Variants in ECT2L observed in about 807,000 individuals in gnomAD.
The protein encoded by ECT2L is epithelial cell transforming 2 like, also known as epithelial cell-transforming sequence 2 oncogene-like.
Under a neutral mutation model 122.8 loss-of-function variants are expected in ECT2L, and 126 were observed. That is an observed-to-expected ratio of 1.03 (90% CI 0.89 to 1.19). The LOEUF (loss-of-function observed/expected upper bound fraction) is 1.19. Among genes scored for constraint, ECT2L ranks in the 50% most tolerant of loss-of-function variants. ECT2L has a pLI of 0.00. For synonymous variants in ECT2L, 385 were observed against 381.8 expected (o/e 1.01, Z -0.10); for missense variants, 1,012 against 1,064.1 (o/e 0.95, Z 0.68).
chr6:138,835,935 T>C (rs1776819726), intron 4 of ECT2L, among the ~76,000 whole-genome samples: 1 of 152,250 alleles, frequency 6.6e-6, no homozygotes, highest in Non-Finnish European at 1.5e-5. Context: ...TTGTCTCTTA[T>C]GACTTGATAC....
chr6:138,868,282 T>C (rs1778125400), intron 13 of ECT2L, 76 bp downstream of exon 13: 1 of 1,360,604 alleles, frequency 7.3e-7, no homozygotes, highest in African/African-American at 1.5e-5. Flanking sequence ...ATTATTAATT[T>C]TTTTGACCAG....
rs1459193547 is a variant in ECT2L at position 138,903,436 on chromosome 6, T to C, written c.*809T>C. 6.6e-6 allele frequency: 1 copy of C among 151,988 alleles called. No individual in the cohort carries two copies. The highest frequency in any genetic ancestry group is 1.9e-4 in the East Asian group (1 of 5,194). The allele number at this position is 151,988 out of a possible 1,614,324, so 9.4% of individuals were successfully genotyped here. A position where few individuals can be genotyped will look rare whatever the true frequency, so the allele number is the denominator to read the frequency against. ...AAAAACTTGTCACACTTATCCTTAG[T>C]ATGAATGTACTCCTCTAGAGAGCAT... On this transcript the variant is annotated 3_prime_UTR_variant, in exon 22 of 22. Transcript: ENST00000541398.
At chr6:138,896,807 C>G (rs1779234408) in intron 20 of ECT2L, among the ~76,000 whole-genome samples, 1 of 152,138 alleles carries the variant, frequency 6.6e-6, no homozygotes, top group Non-Finnish European at 1.5e-5. Context: ...ACCACCACAC[C>G]TGGCTCATTT....
chr6:138,890,802 T>G (rs1448619717), intron 20 of ECT2L, among the ~76,000 whole-genome samples: 3 of 152,130 alleles, frequency 2.0e-5, no homozygotes, highest in Admixed American at 1.3e-4. Flanking sequence ...TGTAAAAAAT[T>G]TATTGTTTGA....
chr6:138,858,799 G>A (rs1031903858), intron 10 of ECT2L, among the ~76,000 whole-genome samples: 15 of 148,234 alleles, frequency 1.0e-4, no homozygotes, highest in Admixed American at 2.1e-4. Context: ...TCAACTTCCC[G>A]GGGTCAAGCG....
chr6:138,888,694 A>G (rs946142357), intron 19 of ECT2L, among the ~76,000 whole-genome samples: 4 of 152,172 alleles, frequency 2.6e-5, no homozygotes, highest in Non-Finnish European at 5.9e-5. Flanking sequence ...CTTACAAATA[A>G]AACTATCATG....
chr6:138,890,033 C>T (rs999980710), intron 20 of ECT2L, among the ~76,000 whole-genome samples: 18 of 152,136 alleles, frequency 1.2e-4, no homozygotes, highest in Non-Finnish European at 1.5e-4. Flanking sequence ...ACAAACATGA[C>T]TATGTTCCAA....
chr6:138,821,124 A>G (rs570926932), intron 4 of ECT2L, among the ~76,000 whole-genome samples: 2 of 152,354 alleles, frequency 1.3e-5, no homozygotes, highest in African/African-American at 2.4e-5. Flanking sequence ...CACAGACCAC[A>G]TGAGCTGTCT....
chr6:138,806,757 C>T (rs141990989), intron 1 of ECT2L, among the ~76,000 whole-genome samples: 2,459 of 152,000 alleles, frequency 0.016, 68 homozygotes, highest in African/African-American at 0.056. Flanking sequence ...AGGTGATCCA[C>T]CCACCTCGGC....
chr6:138,806,020 C>T (rs547923874), intron 1 of ECT2L, among the ~76,000 whole-genome samples: 59 of 152,304 alleles, frequency 3.9e-4, no homozygotes, highest in African/African-American at 1.4e-3. Context: ...ACACAGAATA[C>T]CTTTATTTCA....
At chr6:138,846,447 T>G in intron 7 of ECT2L, 92 bp from the exon 8 acceptor site, 1 of 1,275,996 alleles carries the variant, frequency 7.8e-7, no homozygotes, top group Non-Finnish European at 1.1e-6. Flanking sequence ...CCTTGTAGAG[T>G]AGAGCTGATG....
In ECT2L at chr6:138,837,639, C is replaced by T. The variant is rs545578570; in HGVS notation, c.180-713C>T. On this transcript the variant is annotated intron_variant, in intron 4 of 21. Coordinates refer to ENST00000541398, the MANE Select transcript of ECT2L (RefSeq NM_001077706.3). ...ATAAGTTTCTTCTAGAAGCACTGGT[C>T]TCAAAAAAAAAAAAAAACAACAATT... Among the ~76,000 whole-genome samples, 130 of 62,300 alleles carry T rather than the reference C, an allele frequency of 2.1e-3. 1 individual carries two copies. The highest frequency in any genetic ancestry group is 6.8e-3 in the African/African-American group (124 of 18,326). 40.9% of individuals were successfully genotyped at this position (62,300 alleles called of 152,430 possible).
chr6:138,828,037 C>T (rs1025553652), intron 4 of ECT2L, among the ~76,000 whole-genome samples: 2 of 152,022 alleles, frequency 1.3e-5, no homozygotes, highest in African/African-American at 4.8e-5. Context: ...CACCCATTAA[C>T]TCGTCATTTA....
intron 5 of ECT2L, among the ~76,000 whole-genome samples, chr6:138,842,287 C>T (rs1004126074): frequency 1.0e-4 from 14 of 139,702 alleles, no homozygotes; most frequent in African/African-American, 3.7e-4. Flanking sequence ...GGCAAAACCC[C>T]GCCTCTAGTA....
intron 7 of ECT2L, among the ~76,000 whole-genome samples, 183 bp from the exon 8 acceptor site, chr6:138,846,356 T>A (rs1777218760): frequency 1.3e-5 from 2 of 152,142 alleles, no homozygotes; most frequent in Non-Finnish European, 2.9e-5. Context: ...GAGAACAGAT[T>A]TGGCCTCACT....
chr6:138,847,354 A>ATTTTTTTTTTTTTTTTTTT (rs1562471985), intron 8 of ECT2L, among the ~76,000 whole-genome samples: 3 of 111,016 alleles, frequency 2.7e-5, no homozygotes, highest in African/African-American at 1.2e-4. Flanking sequence ...AAAGGCCCAA[A>ATTTTTTTTTTTTTTTTTTT]CTTTTTTTTT....
At chr6:138,850,304 C>T (rs764078499) in intron 9 of ECT2L, among the ~76,000 whole-genome samples, 1 of 152,128 alleles carries the variant, frequency 6.6e-6, no homozygotes, top group Non-Finnish European at 1.5e-5. Flanking sequence ...ACCACCATGC[C>T]TGGCTAATTT....
At chr6:138,846,086 T>A (rs1404521773) in intron 7 of ECT2L, among the ~76,000 whole-genome samples, 3 of 152,090 alleles carry the variant, frequency 2.0e-5, no homozygotes, top group Non-Finnish European at 2.9e-5. Flanking sequence ...TTTTTTTTTT[T>A]TATAAAAAGA....
intron 1 of ECT2L, among the ~76,000 whole-genome samples, chr6:138,799,554 CTCTTT>C (rs1023204071): frequency 6.6e-6 from 1 of 152,008 alleles, no homozygotes; most frequent in Non-Finnish European, 1.5e-5. Flanking sequence ...CGCGCCCGGC[CTCTTT>C]TCTTTTTTTT....
Sources: allele counts gnomAD v4.1 joint callset (sites outside exome capture counted in the v4.1 genomes callset), GRCh38; gene constraint gnomAD v4.1.1; transcripts MANE v1.5; gene names NCBI Gene and HGNC (gene_info 2026-07-23, HGNC 2026-07-21).